The following BICRAL variants were observed in gnomAD, a reference collection of about 807,000 sequenced individuals.
BICRAL encodes the protein BICRA like chromatin remodeling complex associated protein.
Under a neutral mutation model 91.8 loss-of-function variants are expected in BICRAL, and 8 were observed. The observed-to-expected ratio is 0.09, with a 90% CI of 0.05 to 0.16. BICRAL has a LOEUF of 0.16. Ranked by LOEUF, BICRAL falls within the 10% of genes least tolerant of loss-of-function variation. The pLI, the probability that BICRAL is intolerant of heterozygous loss-of-function variation, is 1.00. For synonymous variants in BICRAL, 445 were observed against 491.1 expected (o/e 0.91, Z 1.24); for missense variants, 1,038 against 1,310.9 (o/e 0.79, Z 3.21).
At chr6:42,778,883 TC>T (rs1158631886), upstream of BICRAL, among the ~76,000 whole-genome samples, 1 of 151,938 alleles carries the variant, frequency 6.6e-6, no homozygotes, top group Non-Finnish European at 1.5e-5. Flanking sequence ...AATGGCGCAA[TC>T]TTGGCTCACT....
chr6:42,795,012 T>A (rs1468660327), intron 1 of BICRAL, among the ~76,000 whole-genome samples: 1 of 151,028 alleles, frequency 6.6e-6, no homozygotes, highest in Non-Finnish European at 1.5e-5. Context: ...TATTTACTGA[T>A]CTCTCCACCA....
intron 1 of BICRAL, among the ~76,000 whole-genome samples, chr6:42,801,994 G>A (rs1411692914): frequency 1.3e-5 from 2 of 152,118 alleles, no homozygotes; most frequent in Non-Finnish European, 2.9e-5. Context: ...ATATCATAAT[G>A]CTGGGCATGG....
At chr6:42,790,734 A>C (rs909745228) in intron 1 of BICRAL, among the ~76,000 whole-genome samples, 1 of 152,068 alleles carries the variant, frequency 6.6e-6, no homozygotes, top group Non-Finnish European at 1.5e-5. Flanking sequence ...GAGAGGAGCA[A>C]ATCTGGGGAA....
At chr6:42,831,130 C>A (rs536360409) in intron 6 of BICRAL, among the ~76,000 whole-genome samples, 1 of 152,156 alleles carries the variant, frequency 6.6e-6, no homozygotes, top group Non-Finnish European at 1.5e-5. Context: ...TAGACATAGA[C>A]CCTGGCAAAT....
At chr6:42,855,834 A>G (rs1406203183) in intron 8 of BICRAL, 22 bp from the exon 9 acceptor site, 2 of 1,594,628 alleles carry the variant, frequency 1.3e-6, no homozygotes, top group South Asian at 2.2e-5. Context: ...AGGGAATAAT[A>G]AGAGGTTTGT....
chr6:42,834,643 G>T (rs1053708808), intron 6 of BICRAL, among the ~76,000 whole-genome samples: 4 of 151,852 alleles, frequency 2.6e-5, no homozygotes, highest in African/African-American at 9.7e-5. Context: ...GACTATAATT[G>T]TATAAAATAT....
At chr6:42,754,812 G>A (rs1269361464) in intron 1 of BICRAL, among the ~76,000 whole-genome samples, 2 of 152,160 alleles carry the variant, frequency 1.3e-5, no homozygotes, top group Non-Finnish European at 2.9e-5. Context: ...TAGGAAGCTC[G>A]CTTGATCCCA....
At chr6:42,808,266 G>C (rs1257094038) in intron 1 of BICRAL, among the ~76,000 whole-genome samples, 2 of 151,974 alleles carry the variant, frequency 1.3e-5, no homozygotes, top group Non-Finnish European at 2.9e-5. Flanking sequence ...CGAGTAGCTG[G>C]GACTATGGGC....
In BICRAL at chr6:42,833,133, G is replaced by T. The variant is rs181217229; in HGVS notation, c.1839+2961G>T. 2.9e-4 allele frequency among the ~76,000 whole-genome samples: 44 copies of T among 150,890 alleles called. 1 individual carries two copies. The highest frequency in any genetic ancestry group is 7.3e-4 in the Admixed American group (11 of 15,084). On this transcript the variant is annotated intron_variant, in intron 6 of 12. Coordinates refer to ENST00000314073, the MANE Select transcript of BICRAL (RefSeq NM_001393499.1). ...TGCAGTAGCCCGATCTCAGCTCACT[G>T]CAAGCTCCGCCTCCCGGGTTCACGC...
chr6:42,845,153 T>G (rs995755713), intron 6 of BICRAL, among the ~76,000 whole-genome samples: 1 of 147,422 alleles, frequency 6.8e-6, no homozygotes, highest in Non-Finnish European at 1.5e-5. Context: ...AAAGACTGTT[T>G]GGTATCCTTC....
At chr6:42,753,118 G>A (rs1007128398) in intron 1 of BICRAL, among the ~76,000 whole-genome samples, 1 of 151,232 alleles carries the variant, frequency 6.6e-6, no homozygotes, top group South Asian at 2.1e-4. Context: ...AGTAGAGACT[G>A]GTTTCACCAT....
In BICRAL at chr6:42,867,160, A is replaced by T. The variant is rs1057452134; in HGVS notation, c.*1714A>T. 8.8e-6 allele frequency: 2 copies of T among 228,358 alleles called. No homozygotes were observed. Among genetic ancestry groups the T allele is most frequent in the Non-Finnish European group, 1.8e-5 (2 of 112,720 alleles). 14.1% of individuals were successfully genotyped at this position (228,358 alleles called of 1,614,324 possible). On this transcript the variant is annotated 3_prime_UTR_variant, in exon 13 of 13. Coordinates refer to ENST00000314073, the MANE Select transcript of BICRAL (RefSeq NM_001393499.1). ...ATCATGTTGGGCATTTCTTTTCCAG[A>T]TTGGCCTGTGATGGAAAGGAAGGCT...
At chr6:42,790,290 C>T (rs1763231279) in intron 1 of BICRAL, among the ~76,000 whole-genome samples, 2 of 151,026 alleles carry the variant, frequency 1.3e-5, no homozygotes, top group African/African-American at 4.9e-5. Context: ...TCCCAAGTAG[C>T]TGGGACTATA....
At chr6:42,837,014 G>C (rs1227378886) in intron 6 of BICRAL, among the ~76,000 whole-genome samples, 1 of 150,430 alleles carries the variant, frequency 6.6e-6, no homozygotes, top group Non-Finnish European at 1.5e-5. Flanking sequence ...GCACTATCTC[G>C]GCTCACTGCA....
At chr6:42,853,917 T>A (rs1477347712) in intron 8 of BICRAL, among the ~76,000 whole-genome samples, 179 bp downstream of exon 8, 2 of 152,228 alleles carry the variant, frequency 1.3e-5, no homozygotes, top group South Asian at 2.1e-4. Context: ...GTTATGTTTA[T>A]GTTTCTGAGA....
At chr6:42,824,553 T>C (rs1311042157) in intron 5 of BICRAL, among the ~76,000 whole-genome samples, 1 of 152,122 alleles carries the variant, frequency 6.6e-6, no homozygotes, top group Non-Finnish European at 1.5e-5. Context: ...CATGTTGGCC[T>C]GGATGATCTT....
intron 10 of BICRAL, among the ~76,000 whole-genome samples, chr6:42,859,360 C>T (rs1394540335): frequency 6.6e-6 from 1 of 151,610 alleles, no homozygotes; most frequent in Non-Finnish European, 1.5e-5. Context: ...CCACTGCACT[C>T]CAGCCTGAGC....
chr6:42,784,839 T>G (rs1763055358), intron 1 of BICRAL, among the ~76,000 whole-genome samples: 1 of 152,160 alleles, frequency 6.6e-6, no homozygotes, highest in Non-Finnish European at 1.5e-5. Context: ...TGTCAGGCAC[T>G]CCAACTTCTT....
At chr6:42,847,462 A>C (rs192039324) in intron 6 of BICRAL, among the ~76,000 whole-genome samples, 43 of 152,068 alleles carry the variant, frequency 2.8e-4, no homozygotes, top group African/African-American at 1.0e-3. Flanking sequence ...TAGCTTATCG[A>C]TATTGATGTG....
Sources: gnomAD v4.1 joint callset for allele counts (sites outside exome capture counted in the v4.1 genomes callset) on GRCh38, gnomAD v4.1.1 for gene constraint, MANE v1.5 for transcripts, NCBI Gene and HGNC (gene_info 2026-07-23, HGNC 2026-07-21) for gene names.